EPS15: variants seen among roughly 807,000 people sequenced by gnomAD.
EPS15 encodes the protein epidermal growth factor receptor substrate 15.
Under a neutral mutation model 113.8 loss-of-function variants are expected in EPS15, and 72 were observed. The observed-to-expected ratio is 0.63, with a 90% CI of 0.52 to 0.77. The LOEUF is 0.77. EPS15 is among the 30% of genes least tolerant of loss of function. The pLI, the probability that EPS15 is intolerant of heterozygous loss-of-function variation, is 0.00. For missense variants in EPS15, 1,048 were observed against 1,045.8 expected (o/e 1.00, Z -0.03); for synonymous variants, 344 against 363.4 (o/e 0.95, Z 0.61).
At chr1:51,484,097 T>A (rs150785587) in intron 1 of EPS15, among the ~76,000 whole-genome samples, 2 of 152,050 alleles carry the variant, frequency 1.3e-5, no homozygotes, top group Admixed American at 6.6e-5. Context: ...GGCAACAGAG[T>A]GAGACCCTGT....
In EPS15 at chr1:51,355,440, A is replaced by C. The variant is rs1267178302; in HGVS notation, c.*1260T>G. ...AATGACAAGTTACAGCTTACTTCAC[A>C]GTCTATTTCAAATTCAGCTTGTCCA... is the stretch of plus-strand genomic sequence containing the variant. On this transcript the variant is annotated 3_prime_UTR_variant, in exon 25 of 25. Coordinates refer to ENST00000371733, the MANE Select transcript of EPS15 (RefSeq NM_001981.3). 5.0e-6 allele frequency: 1 copy of C among 198,266 alleles called. No homozygotes were observed. The highest frequency in any genetic ancestry group is 2.3e-5 in the African/African-American group (1 of 43,374). 12.3% of individuals were successfully genotyped at this position (198,266 alleles called of 1,614,324 possible). A position where few individuals can be genotyped will look rare whatever the true frequency, so the allele number is the denominator to read the frequency against.
chr1:51,511,937 G>A (rs929233453), intron 1 of EPS15, among the ~76,000 whole-genome samples: 2 of 152,048 alleles, frequency 1.3e-5, no homozygotes, highest in Non-Finnish European at 2.9e-5. Flanking sequence ...GAGGAAGTGA[G>A]GCTTACTTTT....
intron 9 of EPS15, among the ~76,000 whole-genome samples, chr1:51,447,635 CAAAAAT>C (rs1653175497): frequency 6.6e-6 from 1 of 151,822 alleles, no homozygotes; most frequent in Non-Finnish European, 1.5e-5. Context: ...AGGTATTAAA[CAAAAAT>C]AAAAACAACT....
intron 21 of EPS15, among the ~76,000 whole-genome samples, chr1:51,380,511 G>A (rs964139700): frequency 1.3e-5 from 2 of 152,026 alleles, no homozygotes. Flanking sequence ...ATAATTGTAG[G>A]ATGTTTTGTG....
In EPS15 at chr1:51,479,396, G is replaced by A. The variant is rs576787754; in HGVS notation, c.75+1877C>T. ...ATTTTAGCTTCTTTGCAATGGGTTC[G>A]AACATCCTCCTTTAGCTCAGAGAAG... On this transcript the variant is annotated intron_variant, in intron 2 of 24. Coordinates refer to ENST00000371733, the MANE Select transcript of EPS15 (RefSeq NM_001981.3). Among the ~76,000 whole-genome samples the A allele has an allele frequency of 5.3e-5, 8 of 152,212 alleles. 1 individual carries two copies. Among genetic ancestry groups the A allele is most frequent in the Middle Eastern group, 3.4e-3 (1 of 294 alleles).
In EPS15 at chr1:51,462,870, A is replaced by ATTTTTTTTT. The variant is rs34320767; in HGVS notation, c.501+794_501+802dup. 1.4e-3 allele frequency among the ~76,000 whole-genome samples: 161 copies of ATTTTTTTTT among 111,066 alleles called. 1 individual carries two copies. Among genetic ancestry groups the ATTTTTTTTT allele is most frequent in the Non-Finnish European group, 2.6e-3 (142 of 54,332 alleles). The allele number at this position is 111,066 out of a possible 152,430, so 72.9% of individuals were successfully genotyped here. ...AAAAGAGGAAAAGTAAAAAAGTCAG[A>ATTTTTTTTT]TTTTTTTTTTTTTTTTTTTTTTTTT... is the stretch of plus-strand genomic sequence containing the variant. On this transcript the variant is annotated intron_variant, in intron 7 of 24. Coordinates refer to ENST00000371733, the MANE Select transcript of EPS15 (RefSeq NM_001981.3).
intron 20 of EPS15, among the ~76,000 whole-genome samples, chr1:51,395,175 T>C (rs1647806129): frequency 6.6e-6 from 1 of 152,206 alleles, no homozygotes; most frequent in East Asian, 1.9e-4. Flanking sequence ...TGGAATAATT[T>C]ACATTTACAT....
chr1:51,424,146 C>A (rs1194036504), intron 12 of EPS15, among the ~76,000 whole-genome samples: 1 of 151,388 alleles, frequency 6.6e-6, no homozygotes, highest in African/African-American at 2.4e-5. Context: ...ACATATATTG[C>A]TAAACAGAAA....
chr1:51,482,669 T>C (rs571094365), intron 1 of EPS15, among the ~76,000 whole-genome samples: 64 of 152,222 alleles, frequency 4.2e-4, no homozygotes, highest in African/African-American at 1.4e-3. Context: ...TTTCGCCATG[T>C]TGTCTAGGCT....
intron 19 of EPS15, among the ~76,000 whole-genome samples, chr1:51,400,508 AAC>A (rs1335809679): frequency 6.6e-6 from 1 of 151,580 alleles, no homozygotes; most frequent in Non-Finnish European, 1.5e-5. Flanking sequence ...CAACCTCGGC[AAC>A]ACAGTGAGAC....
intron 13 of EPS15, among the ~76,000 whole-genome samples, chr1:51,411,634 G>A (rs902156666): frequency 2.6e-5 from 4 of 152,080 alleles, no homozygotes; most frequent in African/African-American, 9.7e-5. Flanking sequence ...TTTCTTTATT[G>A]TATTATATAG....
chr1:51,387,104 G>A (rs1457942530), intron 21 of EPS15, among the ~76,000 whole-genome samples: 1 of 152,214 alleles, frequency 6.6e-6, no homozygotes, highest in Non-Finnish European at 1.5e-5. Flanking sequence ...AAGCCCATCA[G>A]ACTAACAGCG....
chr1:51,505,184 T>G (rs1357057065), intron 1 of EPS15, among the ~76,000 whole-genome samples: 4 of 151,712 alleles, frequency 2.6e-5, no homozygotes, highest in Non-Finnish European at 4.4e-5. Flanking sequence ...ACCAGATATG[T>G]GCCCAGGAGA....
At chr1:51,512,723 G>A (rs1378767831) in intron 1 of EPS15, among the ~76,000 whole-genome samples, 1 of 151,914 alleles carries the variant, frequency 6.6e-6, no homozygotes, top group Non-Finnish European at 1.5e-5. Context: ...CAATGAAATT[G>A]TTTGAAATCT....
intron 1 of EPS15, among the ~76,000 whole-genome samples, chr1:51,512,424 A>G (rs1235965108): frequency 2.6e-5 from 4 of 152,202 alleles, no homozygotes; most frequent in Non-Finnish European, 5.9e-5. Flanking sequence ...AGAAGCTCTA[A>G]GAGAAAAGAC....
intron 2 of EPS15, among the ~76,000 whole-genome samples, chr1:51,478,057 T>C (rs1274740300): frequency 6.6e-6 from 1 of 152,196 alleles, no homozygotes; most frequent in Non-Finnish European, 1.5e-5. Flanking sequence ...AGTGTGGTGT[T>C]AAAGTCTCCC....
At chr1:51,400,712 C>CAAAAAAAAAAAAAAAAAAAAAAAAAAAAA (rs375748381) in intron 19 of EPS15, among the ~76,000 whole-genome samples, 2 of 60,184 alleles carry the variant, frequency 3.3e-5, no homozygotes, top group African/African-American at 6.5e-5. Context: ...CAAAAAACAC[C>CAAAAAAAAAAAAAAAAAAAAAAAAAAAAA]AAAAAAAAAA....
intron 3 of EPS15, among the ~76,000 whole-genome samples, chr1:51,472,098 C>T (rs558349208): frequency 4.8e-4 from 73 of 151,722 alleles, no homozygotes; most frequent in Non-Finnish European, 7.5e-4. Flanking sequence ...ATGTGGCCCA[C>T]GGAAGCCAAA....
rs756747774 is a variant in EPS15 at position 51,366,020 on chromosome 1, G to A, written c.2129C>T (p.Pro710Leu). Residue 710 changes from proline to leucine, a missense_variant, in exon 22 of 25, where the codon CCC becomes CTC. By Grantham distance (98) the Pro-to-Leu change is moderately conservative. Transcript: ENST00000371733. ...VVAASDSATD[P>L]FASVFGNESF... ...TTCATTCCCAAAAACAGAAGCAAAG[G>A]GGTCTGTGGCTAAAATGAATAAAGA... The A allele has an allele frequency of 1.5e-5, 24 of 1,611,594 alleles. 1 individual carries two copies. In the South Asian group the frequency reaches 2.4e-4, roughly 16 times the overall value.
Sources: allele counts gnomAD v4.1 joint callset (sites outside exome capture counted in the v4.1 genomes callset), GRCh38; gene constraint gnomAD v4.1.1; transcripts MANE v1.5; gene names NCBI Gene and HGNC (gene_info 2026-07-23, HGNC 2026-07-21).